Variants in ABCB1 observed in about 807,000 individuals in gnomAD.
ABCB1 encodes ATP-dependent translocase ABCB1.
In ABCB1, 69 loss-of-function variants were observed where a neutral mutation model predicts 142.0. That is an observed-to-expected ratio of 0.49 (90% CI 0.40 to 0.59). The LOEUF (loss-of-function observed/expected upper bound fraction) is 0.59. Among genes scored for constraint, ABCB1 ranks in the 20% least tolerant of loss-of-function variants. The pLI, the probability that ABCB1 is intolerant of heterozygous loss-of-function variation, is 0.00. For missense variants in ABCB1, 1,326 were observed against 1,554.7 expected, an observed-to-expected ratio of 0.85 and a Z score of 2.47; for synonymous variants, 532 against 539.2, an observed-to-expected ratio of 0.99 and a Z score of 0.18.
intron 1 of ABCB1, among the ~76,000 whole-genome samples, chr7:87,616,570 A>G (rs186068169): frequency 7.2e-5 from 11 of 152,336 alleles, no homozygotes; most frequent in Non-Finnish European, 1.2e-4. Flanking sequence ...AGCACTTGCT[A>G]CACATCATGC....
At chr7:87,614,217 G>A (rs941653051) in intron 1 of ABCB1, among the ~76,000 whole-genome samples, 1 of 152,142 alleles carries the variant, frequency 6.6e-6, no homozygotes, top group Non-Finnish European at 1.5e-5. Flanking sequence ...GCAACATAGT[G>A]AGACCCTGTC....
intron 21 of ABCB1, among the ~76,000 whole-genome samples, chr7:87,530,006 C>T (rs1052787353): frequency 6.6e-6 from 1 of 152,084 alleles, no homozygotes; most frequent in Admixed American, 6.5e-5. Context: ...TACAGCTGGC[C>T]CAAAAGATTT....
At chr7:87,687,492 G>A (rs1434245654) in intron 1 of ABCB1, among the ~76,000 whole-genome samples, 2 of 152,034 alleles carry the variant, frequency 1.3e-5, no homozygotes, top group Non-Finnish European at 2.9e-5. Flanking sequence ...TACTTATTAT[G>A]ATTATTGTTT....
chr7:87,574,746 A>C (rs1818204282), intron 4 of ABCB1, among the ~76,000 whole-genome samples: 1 of 152,212 alleles, frequency 6.6e-6, no homozygotes, highest in Admixed American at 6.5e-5. Context: ...TACCCCTAGC[A>C]GAGTGACTCA....
At chr7:87,613,872 T>C (rs114659837) in intron 1 of ABCB1, among the ~76,000 whole-genome samples, 138 of 152,324 alleles carry the variant, frequency 9.1e-4, no homozygotes, top group African/African-American at 3.2e-3. Flanking sequence ...TTTAAAATAC[T>C]TCCCTTAGCC....
chr7:87,534,781 G>A (rs1209100625), intron 20 of ABCB1, among the ~76,000 whole-genome samples: 3 of 151,838 alleles, frequency 2.0e-5, no homozygotes, highest in Non-Finnish European at 4.4e-5. Context: ...TCGACATGGT[G>A]GTGCACACCT....
chr7:87,575,911 A>T (rs1445489471), intron 4 of ABCB1, among the ~76,000 whole-genome samples: 1 of 152,184 alleles, frequency 6.6e-6, no homozygotes, highest in Non-Finnish European at 1.5e-5. Flanking sequence ...CCACTAGCAG[A>T]GTGGAAAAGA....
chr7:87,680,961 A>G (rs761477489), intron 1 of ABCB1, among the ~76,000 whole-genome samples: 1 of 150,602 alleles, frequency 6.6e-6, no homozygotes, highest in Non-Finnish European at 1.5e-5. Context: ...GAAATCATTA[A>G]TAAAATTCAT....
chr7:87,658,658 T>A (rs909364475), intron 1 of ABCB1, among the ~76,000 whole-genome samples: 1 of 152,114 alleles, frequency 6.6e-6, no homozygotes, highest in African/African-American at 2.4e-5. Context: ...TGCCTACAAG[T>A]AAGCAATTGA....
chr7:87,561,422 A>G (rs201440116), intron 7 of ABCB1, 35 bp from the exon 8 acceptor site: 20 of 1,578,298 alleles, frequency 1.3e-5, no homozygotes, highest in Non-Finnish European at 1.6e-5. Flanking sequence ...CATGAAAAAA[A>G]CACGTTAATT....
At chr7:87,685,702 T>C (rs970750353) in intron 1 of ABCB1, among the ~76,000 whole-genome samples, 5 of 152,148 alleles carry the variant, frequency 3.3e-5, no homozygotes, top group African/African-American at 1.2e-4. Flanking sequence ...ACAAGCATCA[T>C]GATGAAGGAG....
At chr7:87,548,030 T>A (rs1006429468) in intron 14 of ABCB1, among the ~76,000 whole-genome samples, 9 of 130,094 alleles carry the variant, frequency 6.9e-5, no homozygotes, top group Admixed American at 2.4e-4. Flanking sequence ...AAAGAAAAGA[T>A]AAGATAAGAT....
At chr7:87,654,141 T>C (rs1172137776) in intron 1 of ABCB1, among the ~76,000 whole-genome samples, 1 of 151,996 alleles carries the variant, frequency 6.6e-6, no homozygotes, top group Non-Finnish European at 1.5e-5. Context: ...TGTTAAAATG[T>C]TTATATTAAC....
At chr7:87,693,938 A>T (rs1563139226) in intron 1 of ABCB1, 2 of 1,611,506 alleles carry the variant, frequency 1.2e-6, no homozygotes, top group Non-Finnish European at 1.7e-6. Context: ...TGGCTGGCTC[A>T]TCTCCAAATA....
intron 25 of ABCB1, among the ~76,000 whole-genome samples, chr7:87,510,450 A>T (rs1814956919): frequency 6.6e-6 from 1 of 152,246 alleles, no homozygotes; most frequent in South Asian, 2.1e-4. Flanking sequence ...AGGGCACCTT[A>T]CAGCCTTGCT....
At chr7:87,520,413 G>A (rs1182978428) in intron 22 of ABCB1, among the ~76,000 whole-genome samples, 1 of 152,068 alleles carries the variant, frequency 6.6e-6, no homozygotes, top group Admixed American at 6.6e-5. Context: ...AACCCAGGAA[G>A]CACCATCCTC....
At chr7:87,514,099 A>G (rs1366767764) in intron 25 of ABCB1, among the ~76,000 whole-genome samples, 1 of 152,246 alleles carries the variant, frequency 6.6e-6, no homozygotes, top group Admixed American at 6.5e-5. Flanking sequence ...ACAAACATTT[A>G]TGAGTAAGAG....
chr7:87,602,292 C>CT (rs59849542), upstream of ABCB1, among the ~76,000 whole-genome samples: 7,834 of 92,256 alleles, frequency 0.085, 556 homozygotes, highest in Middle Eastern at 0.13. Flanking sequence ...AGCTCGGCCT[C>CT]TTTTTTTTTT....
intron 17 of ABCB1, 49 bp downstream of exon 17, chr7:87,544,080 C>T (rs1294271412): frequency 2.5e-6 from 4 of 1,607,402 alleles, no homozygotes; most frequent in Non-Finnish European, 3.4e-6. Flanking sequence ...TTCGTTCATT[C>T]TTCCATCAGG....
Sources: allele counts gnomAD v4.1 joint callset (sites outside exome capture counted in the v4.1 genomes callset), GRCh38; gene constraint gnomAD v4.1.1; transcripts MANE v1.5; gene names NCBI Gene and HGNC (gene_info 2026-07-23, HGNC 2026-07-21).